The following SOX5 variants were observed in gnomAD, a reference collection of about 807,000 sequenced individuals.
SOX5 encodes SRY-box transcription factor 5.
A neutral mutation model predicts 92.0 loss-of-function variants in SOX5; 9 were observed. The ratio of observed to expected loss-of-function variants is 0.10; its 90% CI spans 0.06 to 0.17. SOX5 has a LOEUF of 0.17. Ranked by LOEUF, SOX5 falls within the 10% of genes least tolerant of loss-of-function variation. The pLI, the probability that SOX5 is intolerant of heterozygous loss-of-function variation, is 1.00. For missense variants in SOX5, 642 were observed against 944.5 expected (o/e 0.68, Z 4.20); for synonymous variants, 344 against 336.3 (o/e 1.02, Z -0.25).
At chr12:24,364,593 T>C (rs1216230126) in intron 2 of SOX5, among the ~76,000 whole-genome samples, 1 of 148,464 alleles carries the variant, frequency 6.7e-6, no homozygotes, top group Non-Finnish European at 1.5e-5. Context: ...AAATTCACTT[T>C]TCCTCCAAAC....
At chr12:23,553,608 T>TAAAG (rs1944616142) in intron 11 of SOX5, among the ~76,000 whole-genome samples, 1 of 152,044 alleles carries the variant, frequency 6.6e-6, no homozygotes, top group South Asian at 2.1e-4. Context: ...AGCCAATATC[T>TAAAG]AAAGAAAAGG....
intron 1 of SOX5, among the ~76,000 whole-genome samples, chr12:23,920,787 T>C (rs911719463): frequency 6.6e-6 from 1 of 152,130 alleles, no homozygotes; most frequent in African/African-American, 2.4e-5. Flanking sequence ...TCCTCCAAAA[T>C]AAGCAGTTTG....
chr12:24,517,754 T>C (rs192357937), intron 1 of SOX5, among the ~76,000 whole-genome samples: 3 of 151,358 alleles, frequency 2.0e-5, no homozygotes, highest in Non-Finnish European at 2.9e-5. Context: ...CAGCAACAGG[T>C]AGGTAAGCTT....
intron 6 of SOX5, among the ~76,000 whole-genome samples, chr12:23,675,948 G>A (rs546002303): frequency 7.9e-5 from 12 of 152,134 alleles, no homozygotes; most frequent in Admixed American, 3.3e-4. Context: ...GAAATACCAC[G>A]TCATATCTAT....
At chr12:23,964,050 T>G (rs533051178) in intron 4 of SOX5, among the ~76,000 whole-genome samples, 7 of 152,230 alleles carry the variant, frequency 4.6e-5, no homozygotes, top group Admixed American at 3.9e-4. Flanking sequence ...AGGGTTGAAT[T>G]TGTGTTTGTG....
At chr12:23,936,750 A>G (rs1175117162) in intron 1 of SOX5, among the ~76,000 whole-genome samples, 1 of 151,134 alleles carries the variant, frequency 6.6e-6, no homozygotes, top group Non-Finnish European at 1.5e-5. Flanking sequence ...TTAAAAAGAG[A>G]TAAAAATAAT....
In SOX5 at chr12:24,093,310, C is replaced by T. The variant is rs182022860; in HGVS notation, c.-2+120033G>A. ...GCCGAGGCGGGCAGATCACGAGGTC[C>T]GGAGATCGAGACCATCCTGGCTAAC... On this transcript the variant is annotated intron_variant, in intron 4 of 4. Transcript: ENST00000446891. 2.1e-3 allele frequency among the ~76,000 whole-genome samples: 321 copies of T among 151,780 alleles called. 5 individuals are homozygous for T. Among genetic ancestry groups the T allele is most frequent in the Admixed American group, 0.019 (292 of 15,244 alleles).
chr12:24,280,592 T>C (rs949301415), intron 2 of SOX5, among the ~76,000 whole-genome samples: 1 of 151,960 alleles, frequency 6.6e-6, no homozygotes, highest in Admixed American at 6.6e-5. Context: ...ACTAGCCAAA[T>C]AGACATAGTG....
chr12:24,379,479 C>A (rs1444241355), intron 1 of SOX5, among the ~76,000 whole-genome samples: 2 of 152,198 alleles, frequency 1.3e-5, no homozygotes, highest in Non-Finnish European at 2.9e-5. Context: ...AGAACAGGCA[C>A]CTGATCTAAT....
intron 4 of SOX5, among the ~76,000 whole-genome samples, chr12:24,179,615 G>A (rs867123499): frequency 6.6e-6 from 1 of 152,088 alleles, no homozygotes. Flanking sequence ...TCCTGATTCT[G>A]GTACAGTATT....
At chr12:23,764,869 C>T (rs575223592) in intron 3 of SOX5, among the ~76,000 whole-genome samples, 5 of 152,106 alleles carry the variant, frequency 3.3e-5, no homozygotes, top group African/African-American at 1.2e-4. Context: ...TGATAAAGCA[C>T]TACACATCCT....
chr12:24,366,616 T>A (rs1245845376), intron 2 of SOX5, among the ~76,000 whole-genome samples: 1 of 152,134 alleles, frequency 6.6e-6, no homozygotes, highest in Admixed American at 6.6e-5. Context: ...GTAAAGCACA[T>A]GCACACACAT....
At chr12:24,081,906 A>G (rs1044185544) in intron 4 of SOX5, among the ~76,000 whole-genome samples, 4 of 151,908 alleles carry the variant, frequency 2.6e-5, no homozygotes, top group Middle Eastern at 3.2e-3. Context: ...AGCCTCCAGC[A>G]CCATTTATGG....
At chr12:24,003,911 A>G (rs1951874784) in intron 4 of SOX5, among the ~76,000 whole-genome samples, 1 of 152,098 alleles carries the variant, frequency 6.6e-6, no homozygotes, top group African/African-American at 2.4e-5. Context: ...ATAAAGCTAC[A>G]GTGATCAAGA....
intron 3 of SOX5, among the ~76,000 whole-genome samples, chr12:23,838,385 T>C (rs2096462583): frequency 6.6e-6 from 1 of 151,716 alleles, no homozygotes; most frequent in Non-Finnish European, 1.5e-5. Context: ...TAAATAAACG[T>C]TCTTGTCATA....
chr12:23,696,283 T>A (rs1004131119), intron 6 of SOX5, among the ~76,000 whole-genome samples: 1 of 152,142 alleles, frequency 6.6e-6, no homozygotes, highest in African/African-American at 2.4e-5. Flanking sequence ...GATTTTTAAC[T>A]GAAAATTGTA....
At chr12:24,395,950 A>G (rs1312295352) in intron 1 of SOX5, among the ~76,000 whole-genome samples, 1 of 152,124 alleles carries the variant, frequency 6.6e-6, no homozygotes, top group Non-Finnish European at 1.5e-5. Flanking sequence ...CTTTATCTCT[A>G]AGAAGTGCAT....
chr12:23,801,840 A>G (rs1051422836), intron 3 of SOX5, among the ~76,000 whole-genome samples: 1 of 152,140 alleles, frequency 6.6e-6, no homozygotes, highest in African/African-American at 2.4e-5. Flanking sequence ...GAAACAAACT[A>G]GAGATTTTAG....
intron 6 of SOX5, among the ~76,000 whole-genome samples, chr12:23,704,746 GCAGA>G (rs1373082453): frequency 2.3e-5 from 2 of 86,754 alleles, no homozygotes; most frequent in Non-Finnish European, 5.1e-5. Flanking sequence ...ACACATACAT[GCAGA>G]CAGATACCTA....
Sources: allele counts gnomAD v4.1 joint callset (sites outside exome capture counted in the v4.1 genomes callset), GRCh38; gene constraint gnomAD v4.1.1; transcripts MANE v1.5; gene names NCBI Gene and HGNC (gene_info 2026-07-23, HGNC 2026-07-21).